KCNH5: variants seen among roughly 807,000 people sequenced by gnomAD.
KCNH5 encodes voltage-gated delayed rectifier potassium channel KCNH5.
Under a neutral mutation model 96.1 loss-of-function variants are expected in KCNH5, and 46 were observed. The ratio of observed to expected loss-of-function variants is 0.48; its 90% CI spans 0.38 to 0.61. The LOEUF (loss-of-function observed/expected upper bound fraction) is 0.61. KCNH5 is among the 20% of genes least tolerant of loss of function. The pLI, the probability that KCNH5 is intolerant of heterozygous loss-of-function variation, is 0.00. For missense variants in KCNH5, 907 were observed against 1,225.8 expected, an observed-to-expected ratio of 0.74 and a Z score of 3.88; for synonymous variants, 439 against 449.8, an observed-to-expected ratio of 0.98 and a Z score of 0.30.
intron 7 of KCNH5, among the ~76,000 whole-genome samples, chr14:62,897,899 T>TG (rs1888846773): frequency 6.6e-6 from 1 of 152,102 alleles, no homozygotes; most frequent in Non-Finnish European, 1.5e-5. Context: ...CCCATGGAAA[T>TG]GGAGCATGGC....
intron 7 of KCNH5, among the ~76,000 whole-genome samples, chr14:62,911,214 GGT>G (rs1244609218): frequency 6.6e-6 from 1 of 151,632 alleles, no homozygotes; most frequent in Non-Finnish European, 1.5e-5. Flanking sequence ...AAATGTTGAT[GGT>G]ATAAACAACA....
At chr14:62,750,859 T>G (rs1368374877) in intron 10 of KCNH5, among the ~76,000 whole-genome samples, 1 of 152,188 alleles carries the variant, frequency 6.6e-6, no homozygotes, top group African/African-American at 2.4e-5. Context: ...AATTACCTCA[T>G]GTTAACTGAC....
intron 7 of KCNH5, among the ~76,000 whole-genome samples, chr14:62,866,321 G>A (rs958884651): frequency 2.0e-5 from 3 of 152,132 alleles, no homozygotes; most frequent in Non-Finnish European, 4.4e-5. Context: ...TTTCAAGACT[G>A]TGTACCCCAT....
chr14:62,828,105 T>C (rs531781547), intron 8 of KCNH5, among the ~76,000 whole-genome samples: 3 of 152,274 alleles, frequency 2.0e-5, no homozygotes, highest in Non-Finnish European at 2.9e-5. Context: ...ATTTATCTTC[T>C]GACCTTGATC....
At chr14:62,723,115 G>A (rs895693156) in intron 10 of KCNH5, among the ~76,000 whole-genome samples, 1 of 151,792 alleles carries the variant, frequency 6.6e-6, no homozygotes, top group African/African-American at 2.4e-5. Context: ...ACCAACCTAG[G>A]GTAGATACAA....
chr14:63,036,835 A>G (rs1238842745), intron 1 of KCNH5, among the ~76,000 whole-genome samples: 1 of 152,146 alleles, frequency 6.6e-6, no homozygotes, highest in Non-Finnish European at 1.5e-5. Flanking sequence ...CATGATAGCT[A>G]TAAGATGAAT....
chr14:62,750,401 T>C (rs1885472327), intron 10 of KCNH5, among the ~76,000 whole-genome samples: 1 of 152,210 alleles, frequency 6.6e-6, no homozygotes, highest in Non-Finnish European at 1.5e-5. Flanking sequence ...AGCTCTTGAA[T>C]TAAGCCCTGA....
chr14:62,931,063 G>C (rs1356395664), intron 7 of KCNH5, among the ~76,000 whole-genome samples: 2 of 152,080 alleles, frequency 1.3e-5, no homozygotes, highest in African/African-American at 4.8e-5. Context: ...GTAGTATCAG[G>C]GATGGCCTGG....
At chr14:62,921,654 A>ATT (rs1889383309) in intron 7 of KCNH5, among the ~76,000 whole-genome samples, 1 of 152,078 alleles carries the variant, frequency 6.6e-6, no homozygotes, top group African/African-American at 2.4e-5. Context: ...ACAGACAACC[A>ATT]TCCTGCAGAA....
At chr14:63,027,093 C>T (rs11623468) in intron 1 of KCNH5, among the ~76,000 whole-genome samples, 7,168 of 151,778 alleles carry the variant, frequency 0.047, 192 homozygotes, top group East Asian at 0.061. Flanking sequence ...CGAAATAAGT[C>T]AGACATAGAA....
rs771600403 is a variant in KCNH5, at chr14:63,006,538, C to T, written c.198-66G>A. ...GTTGCCTTTCAAATGCTACAAAAAT[C>T]ATATAATTGTCTTTGACTAGTCAAA... On this transcript the variant is annotated intron_variant, in intron 2 of 10. Transcript: ENST00000322893. 4 of 905,362 alleles carry T rather than the reference C, an allele frequency of 4.4e-6. No homozygotes were observed. The Admixed American group carries it at 7.4e-5, about 17-fold the overall frequency. The allele number at this position is 905,362 out of a possible 1,614,324, so 56.1% of individuals were successfully genotyped here.
chr14:62,808,276 G>C (rs1886809349), intron 8 of KCNH5, among the ~76,000 whole-genome samples: 1 of 152,030 alleles, frequency 6.6e-6, no homozygotes, highest in South Asian at 2.1e-4. Flanking sequence ...TAAAGCTAAA[G>C]ATTTAAACAG....
At chr14:62,993,160 T>C (rs542689586) in intron 4 of KCNH5, among the ~76,000 whole-genome samples, 2 of 152,212 alleles carry the variant, frequency 1.3e-5, no homozygotes, top group East Asian at 3.9e-4. Flanking sequence ...TCTATTCTGT[T>C]CTATTAATCA....
intron 7 of KCNH5, among the ~76,000 whole-genome samples, chr14:62,879,679 CT>C (rs1888453879): frequency 6.6e-6 from 1 of 152,110 alleles, no homozygotes; most frequent in Non-Finnish European, 1.5e-5. Flanking sequence ...TTACTCTGCT[CT>C]TTACCCAGTA....
chr14:63,020,452 C>T (rs1354709986), intron 1 of KCNH5, among the ~76,000 whole-genome samples: 6 of 152,174 alleles, frequency 3.9e-5, no homozygotes, highest in Non-Finnish European at 8.8e-5. Context: ...CATATTTACA[C>T]AAGGAGTACT....
chr14:62,867,173 TG>T (rs1363448500), intron 7 of KCNH5, among the ~76,000 whole-genome samples: 2 of 152,202 alleles, frequency 1.3e-5, no homozygotes, highest in Admixed American at 6.5e-5. Context: ...CCCCGTCATG[TG>T]GCCCCAACCC....
chr14:62,851,808 C>T (rs1210522397), intron 7 of KCNH5, among the ~76,000 whole-genome samples: 1 of 152,074 alleles, frequency 6.6e-6, no homozygotes, highest in Non-Finnish European at 1.5e-5. Context: ...GTTTGGCTCT[C>T]TAAGATGCTT....
intron 10 of KCNH5, among the ~76,000 whole-genome samples, chr14:62,734,957 A>T (rs1167550799): frequency 6.6e-6 from 1 of 152,196 alleles, no homozygotes; most frequent in East Asian, 1.9e-4. Flanking sequence ...CTGATATATT[A>T]TAGGACAGTG....
chr14:62,972,659 A>G (rs1890431105), intron 6 of KCNH5, among the ~76,000 whole-genome samples: 2 of 152,108 alleles, frequency 1.3e-5, no homozygotes, highest in Admixed American at 1.3e-4. Context: ...CCAGACAATG[A>G]TATGTTATTC....
Sources: allele counts gnomAD v4.1 joint callset (sites outside exome capture counted in the v4.1 genomes callset), GRCh38; gene constraint gnomAD v4.1.1; transcripts MANE v1.5; gene names NCBI Gene and HGNC (gene_info 2026-07-23, HGNC 2026-07-21).